GDF5: variants seen among roughly 807,000 people sequenced by gnomAD.
GDF5 encodes growth differentiation factor 5, also known as growth/differentiation factor 5.
A neutral mutation model predicts 34.6 loss-of-function variants in GDF5; 17 were observed. That is an observed-to-expected ratio of 0.49 (90% CI 0.34 to 0.74). The LOEUF is 0.74. GDF5 is among the 30% of genes least tolerant of loss of function. GDF5 has a pLI of 0.01. For synonymous variants in GDF5, 332 were observed against 290.7 expected (o/e 1.14, Z -1.44); for missense variants, 616 against 661.2 (o/e 0.93, Z 0.75).
chr20:35,437,527 G>A lies in GDF5; in HGVS notation c.402C>T (p.Pro134=). 6.2e-7 allele frequency: 1 copy of A among 1,614,124 alleles called. No homozygotes were observed. Residue 134 remains proline (P), a synonymous_variant, in exon 1 of 2, where the codon CCC becomes CCT. Transcript: ENST00000374369. ...AGCTGGGGACAGATCCTGCTTTTGGGGGTGCCTTGCCTCCGGGAAGCTGTC... is the reference window on the plus strand; with the variant it reads ...AGCTGGGGACAGATCCTGCTTTTGGAGGTGCCTTGCCTCCGGGAAGCTGTC... The part of the protein sequence containing the change: ...PKGQLPGGKA[P]PKAGSVPSSF...
rs768978933 is a variant in GDF5 at position 35,437,703 on chromosome 20, C to A, written c.226G>T (p.Ala76Ser). Reference sequence around the variant, plus strand: ...CCTGTCTGCCCGGTGCCTCCCTTTGCCCTGGCATTGGCATTGGTGGCCCCC... The same window carrying A: ...CCTGTCTGCCCGGTGCCTCCCTTTGACCTGGCATTGGCATTGGTGGCCCCC... Reference protein sequence around the residue: ...GGGATNANARAKGGTGQTGGL... With the variant: ...GGGATNANARSKGGTGQTGGL... Residue 76 changes from alanine to serine, a missense_variant, in exon 1 of 2, where the codon GCA becomes TCA. Transcript: ENST00000374369. 4 of 1,613,878 alleles carry A rather than the reference C, an allele frequency of 2.5e-6. No individual in the cohort carries two copies.
At position 35,437,676 on chromosome 20, in the gene GDF5, C is replaced by T. The variant is rs1452061200; in HGVS notation, c.253G>A (p.Gly85Ser). Reference protein sequence around the residue: ...RAKGGTGQTGGLTQPKKDEPK... With the variant: ...RAKGGTGQTGSLTQPKKDEPK... Reference sequence around the variant, plus strand: ...TCATCCTTCTTGGGCTGTGTCAGGCCTCCTGTCTGCCCGGTGCCTCCCTTT... The same window carrying T: ...TCATCCTTCTTGGGCTGTGTCAGGCTTCCTGTCTGCCCGGTGCCTCCCTTT... Residue 85 changes from glycine to serine, a missense_variant, in exon 1 of 2, where the codon GGC becomes AGC. Physicochemically the swap from Gly to Ser is moderately conservative, Grantham distance 56. Transcript: ENST00000374369. 7 of 1,613,976 alleles carry T rather than the reference C, an allele frequency of 4.3e-6. No individual in the cohort carries two copies. Among genetic ancestry groups the T allele is most frequent in the Admixed American group, 1.7e-5 (1 of 59,998 alleles).
upstream of GDF5, among the ~76,000 whole-genome samples, chr20:35,439,420 G>A (rs1416580148): frequency 6.6e-6 from 1 of 151,964 alleles, no homozygotes; most frequent in Non-Finnish European, 1.5e-5. Context: ...GTAGAGATGG[G>A]GTTTCACCAT....
Position 35,434,336 on chromosome 20 carries a change from G to C in GDF5, c.1079C>G (p.Ala360Gly). The C allele has an allele frequency of 6.2e-7, 1 of 1,613,972 alleles. No homozygotes were observed. The highest frequency in any genetic ancestry group is 1.3e-5 in the African/African-American group (1 of 75,052). Residue 360 changes from alanine (A) to glycine (G), a missense_variant, in exon 2 of 2, where the codon GCC becomes GGC. Physicochemically the swap from Ala to Gly is moderately conservative, Grantham distance 60. Coordinates refer to ENST00000374369, the MANE Select transcript of GDF5 (RefSeq NM_000557.5). ...KRDLFFNEIK[A>G]RSGQDDKTVY... is the part of the protein sequence containing the mutation. ...GGTCTTATCGTCCTGGCCAGAGCGG[G>C]CCTTAATCTCATTAAAGAACAGGTC...
At chr20:35,450,163 T>TGTG (rs2062526279) in intron 1 of GDF5, among the ~76,000 whole-genome samples, 1 of 129,846 alleles carries the variant, frequency 7.7e-6, no homozygotes, top group African/African-American at 2.9e-5. Context: ...AAAAGCTGGG[T>TGTG]GTGGTGGTGG....
At chr20:35,434,992 AC>A (rs1160153778) in intron 1 of GDF5, 5 of 660,982 alleles carry the variant, frequency 7.6e-6, no homozygotes, top group Non-Finnish European at 1.4e-5. Flanking sequence ...AGGGGTGTTC[AC>A]CTGAAGATGT....
intron 1 of GDF5, among the ~76,000 whole-genome samples, chr20:35,444,398 G>A (rs1183310953): frequency 6.6e-6 from 1 of 152,190 alleles, no homozygotes; most frequent in Non-Finnish European, 1.5e-5. Context: ...TGGAGGACAA[G>A]CATTCCAGGT....
chr20:35,435,961 C>A (rs1341977448), intron 1 of GDF5, among the ~76,000 whole-genome samples: 4 of 152,028 alleles, frequency 2.6e-5, no homozygotes, highest in African/African-American at 9.7e-5. Context: ...TGTGATTCGG[C>A]ATGTGTGTAC....
upstream of GDF5, among the ~76,000 whole-genome samples, chr20:35,440,209 A>C (rs2062493495): frequency 6.6e-6 from 1 of 151,162 alleles, no homozygotes; most frequent in Non-Finnish European, 1.5e-5. Context: ...CTCTACCAAA[A>C]ATACAAAAAA....
intron 1 of GDF5, among the ~76,000 whole-genome samples, chr20:35,451,080 TATATATATATATACAC>T (rs2062531617): frequency 3.3e-5 from 1 of 30,260 alleles, no homozygotes; most frequent in African/African-American, 1.7e-4. Context: ...TATATATATA[TATATATATATATACAC>T]AAATATATAT....
intron 1 of GDF5, among the ~76,000 whole-genome samples, chr20:35,453,163 T>G (rs2062540566): frequency 6.6e-6 from 1 of 152,102 alleles, no homozygotes; most frequent in Admixed American, 6.5e-5. Context: ...GGCAGAAGAA[T>G]GGCGTGAACC....
upstream of GDF5, among the ~76,000 whole-genome samples, chr20:35,439,473 C>T (rs889976042): frequency 3.9e-5 from 6 of 152,148 alleles, no homozygotes; most frequent in East Asian, 3.9e-4. Context: ...GTGATCCGCC[C>T]GCCTCGGCCT....
upstream of GDF5, among the ~76,000 whole-genome samples, chr20:35,442,086 C>G (rs2062499622): frequency 6.6e-6 from 1 of 151,742 alleles, no homozygotes; most frequent in Admixed American, 6.6e-5. Flanking sequence ...AGTGATCTGC[C>G]CGCCTTGGCT....
intron 1 of GDF5, chr20:35,435,426 T>C (rs1187447107): frequency 1.7e-5 from 2 of 117,564 alleles, no homozygotes; most frequent in African/African-American, 6.5e-5. Flanking sequence ...CACTCCGGCC[T>C]GGGCAACAGA....
At chr20:35,447,842 C>T (rs1022573636) in intron 1 of GDF5, among the ~76,000 whole-genome samples, 5 of 151,952 alleles carry the variant, frequency 3.3e-5, no homozygotes, top group Admixed American at 6.6e-5. Context: ...AGGCAGGGCA[C>T]GGTGGCTCAT....
intron 1 of GDF5, among the ~76,000 whole-genome samples, chr20:35,451,475 T>C (rs376079905): frequency 4.9e-4 from 74 of 152,230 alleles, no homozygotes; most frequent in African/African-American, 1.7e-3. Flanking sequence ...TTTAAGTCTT[T>C]ATAGGACTCT....
Position 35,433,857 on chromosome 20 carries a change from C to T in GDF5, c.*52G>A. ...TGACCCCTCTGTGATTCCAGGAGTG[C>T]AGGAAGGGGCTCTTGGGATGTGCCA... On this transcript the variant is annotated 3_prime_UTR_variant, in exon 2 of 2. Coordinates refer to ENST00000374369, the MANE Select transcript of GDF5 (RefSeq NM_000557.5). The T allele has an allele frequency of 6.7e-7, 1 of 1,488,802 alleles. No homozygotes were observed. Among genetic ancestry groups the T allele is most frequent in the Non-Finnish European group, 9.4e-7 (1 of 1,066,190 alleles). The allele number at this position is 1,488,802 out of a possible 1,614,324, so 92.2% of individuals were successfully genotyped here. A position where few individuals can be genotyped will look rare whatever the true frequency, so the allele number is the denominator to read the frequency against.
rs749747287 is a variant in GDF5 at position 35,437,829 on chromosome 20, T to G, written c.100A>C (p.Arg34=). The G allele has an allele frequency of 1.9e-6, 3 of 1,613,928 alleles. No homozygotes were observed. Among genetic ancestry groups the G allele is most frequent in the Non-Finnish European group, 2.5e-6 (3 of 1,179,902 alleles). The change falls in exon 1 of 2, where the codon AGA becomes CGA. Residue 34 remains arginine, a synonymous_variant. Transcript: ENST00000374369. ...AATCCTGGCCTGGTCCCCTGGGGTCTCTGGCCCAAGTCAGGGGCACCCAAC... is the reference window on the plus strand; with the variant it reads ...AATCCTGGCCTGGTCCCCTGGGGTCGCTGGCCCAAGTCAGGGGCACCCAAC... ...TVLGAPDLGQ[R]PQGTRPGLAK...
intron 1 of GDF5, among the ~76,000 whole-genome samples, chr20:35,446,968 T>C (rs2062515947): frequency 6.6e-6 from 1 of 151,860 alleles, no homozygotes; most frequent in Non-Finnish European, 1.5e-5. Context: ...GCAAACCTGG[T>C]TTCTTTTCTT....
Sources: allele counts gnomAD v4.1 joint callset (sites outside exome capture counted in the v4.1 genomes callset), GRCh38; gene constraint gnomAD v4.1.1; transcripts MANE v1.5; gene names NCBI Gene and HGNC (gene_info 2026-07-23, HGNC 2026-07-21).